PCM1: variants seen among roughly 807,000 people sequenced by gnomAD.
The protein encoded by PCM1 is pericentriolar material 1 protein.
A neutral mutation model predicts 241.9 loss-of-function variants in PCM1; 157 were observed. The observed-to-expected ratio is 0.65, with a 90% CI of 0.57 to 0.74. The LOEUF (loss-of-function observed/expected upper bound fraction) is 0.74. Ranked by LOEUF, PCM1 falls within the 30% of genes least tolerant of loss-of-function variation. The pLI, the probability that PCM1 is intolerant of heterozygous loss-of-function variation, is 0.00. For synonymous variants in PCM1, 1,085 were observed against 784.9 expected, an observed-to-expected ratio of 1.38 and a Z score of -6.39; for missense variants, 3,478 against 2,360.1, an observed-to-expected ratio of 1.47 and a Z score of -9.81.
intron 24 of PCM1, among the ~76,000 whole-genome samples, chr8:17,983,736 A>T (rs1224001737): frequency 6.6e-6 from 1 of 152,204 alleles, no homozygotes; most frequent in Non-Finnish European, 1.5e-5. Context: ...AATTACAAAG[A>T]TTCCCAAATA....
chr8:17,997,446 C>G (rs1242750047), intron 29 of PCM1, among the ~76,000 whole-genome samples: 5 of 152,096 alleles, frequency 3.3e-5, no homozygotes, highest in Non-Finnish European at 7.4e-5. Context: ...ACCTCTGTCT[C>G]TCTCTACCCC....
At chr8:17,961,910 CAG>C in intron 15 of PCM1, 122 bp from the exon 16 acceptor site, 1 of 674,124 alleles carries the variant, frequency 1.5e-6, no homozygotes. Context: ...TGATGGAAGT[CAG>C]GGTCTGATAG....
intron 36 of PCM1, among the ~76,000 whole-genome samples, chr8:18,023,108 C>T (rs1362612897): frequency 6.6e-6 from 1 of 152,050 alleles, no homozygotes; most frequent in Non-Finnish European, 1.5e-5. Context: ...AATAGGATCT[C>T]CTTTGCCCCT....
Position 17,933,442 on chromosome 8 carries a change from T to C in PCM1, c.-22-2147T>C, listed in dbSNP as rs2059589354. ...TTCTTCCAGATAAATTTTAGAATTA[T>C]TTTGTCAAGTTCTAAGGAGAATCCC... On this transcript the variant is annotated intron_variant, in intron 2 of 38. Coordinates refer to ENST00000325083, the MANE Select transcript of PCM1 (RefSeq NM_006197.4). 1.3e-5 allele frequency among the ~76,000 whole-genome samples: 2 copies of C among 152,230 alleles called. 1 individual carries two copies. Among genetic ancestry groups the C allele is most frequent in the South Asian group, 4.1e-4 (2 of 4,836 alleles).
chr8:17,991,987 AT>A (rs2084814318), intron 28 of PCM1, among the ~76,000 whole-genome samples: 1 of 152,334 alleles, frequency 6.6e-6, no homozygotes, highest in African/African-American at 2.4e-5. Context: ...CATCACTTAG[AT>A]TAACGGTCTC....
intron 23 of PCM1, among the ~76,000 whole-genome samples, chr8:17,976,434 G>T (rs1337130124): frequency 6.6e-6 from 1 of 152,178 alleles, no homozygotes; most frequent in Non-Finnish European, 1.5e-5. Context: ...TGTTTCATTA[G>T]AACCTGAGAG....
rs1330401641 is a variant in PCM1 at position 17,960,006 on chromosome 8, T to C, written c.2041-8T>C. The C allele has an allele frequency of 6.2e-7, 1 of 1,611,542 alleles. No individual in the cohort carries two copies. Among genetic ancestry groups the C allele is most frequent in the Non-Finnish European group, 8.5e-7 (1 of 1,178,776 alleles). The stretch of plus-strand genomic sequence containing the variant: ...CAAGATTGTTTTAATGTAATGATGC[T>C]CTTTCAGGATGATGATGCAGCTCAA... On this transcript the variant is annotated splice_region_variant and splice_polypyrimidine_tract_variant and intron_variant, in intron 13 of 38. Transcript: ENST00000325083.
At position 18,014,666 on chromosome 8, in the gene PCM1, G is replaced by A. The variant is rs751815749; in HGVS notation, c.5667G>A (p.Lys1889=). ...DEQPLNSAAH[K]ESPPTVDSTQ... The stretch of plus-strand genomic sequence containing the variant: ...AACCTTTAAATAGTGCTGCCCATAA[G>A]GAGTCACCTCCTACTGTTGATTCAA... Residue 1889 remains lysine (K), a synonymous_variant, in exon 36 of 39, where the codon AAG becomes AAA. Coordinates refer to ENST00000325083, the MANE Select transcript of PCM1 (RefSeq NM_006197.4). 3.7e-6 allele frequency: 6 copies of A among 1,613,644 alleles called. No individual in the cohort carries two copies. The African/African-American group carries it at 6.7e-5, about 18-fold the overall frequency.
At chr8:18,003,587 C>G (rs2090327256) in intron 29 of PCM1, among the ~76,000 whole-genome samples, 1 of 152,054 alleles carries the variant, frequency 6.6e-6, no homozygotes, top group Non-Finnish European at 1.5e-5. Context: ...TTCATTATAG[C>G]ACTTATGACA....
At chr8:17,947,670 G>A (rs2064347060) in intron 7 of PCM1, among the ~76,000 whole-genome samples, 1 of 152,232 alleles carries the variant, frequency 6.6e-6, no homozygotes, top group African/African-American at 2.4e-5. Context: ...GGCTCATGAT[G>A]CGTTTATTTC....
chr8:17,986,776 C>T (rs989213594), intron 26 of PCM1, among the ~76,000 whole-genome samples: 4 of 151,686 alleles, frequency 2.6e-5, no homozygotes, highest in African/African-American at 4.8e-5. Flanking sequence ...TTCATGTGGT[C>T]GTGGGATAGC....
At chr8:18,027,343 C>CA (rs890888052) in intron 38 of PCM1, among the ~76,000 whole-genome samples, 5 of 152,178 alleles carry the variant, frequency 3.3e-5, no homozygotes, top group Non-Finnish European at 7.3e-5. Flanking sequence ...TCTGTTTTCT[C>CA]ACAACCAGTC....
chr8:17,968,762 G>GTGTGTGTGTGTGTATATATA (rs373502456), intron 21 of PCM1, among the ~76,000 whole-genome samples: 5 of 136,734 alleles, frequency 3.7e-5, no homozygotes, highest in African/African-American at 1.4e-4. Context: ...GTGTGTGTGT[G>GTGTGTGTGTGTGTATATATA]TATATATATA....
intron 26 of PCM1, among the ~76,000 whole-genome samples, chr8:17,988,607 C>G (rs1165879077): frequency 6.6e-6 from 1 of 151,764 alleles, no homozygotes; most frequent in African/African-American, 2.4e-5. Context: ...GGAAAATAAT[C>G]CCAGTATATA....
rs559011991 is a variant in PCM1, at chr8:17,952,137, C to T, written c.1072-833C>T. 8.6e-3 allele frequency among the ~76,000 whole-genome samples: 1,309 copies of T among 151,976 alleles called. 21 individuals carry two copies. Among genetic ancestry groups the T allele is most frequent in the African/African-American group, 0.029 (1,214 of 41,418 alleles). On this transcript the variant is annotated intron_variant, in intron 8 of 38. Coordinates refer to ENST00000325083, the MANE Select transcript of PCM1 (RefSeq NM_006197.4). ...GCTTGAGAGGCTGAGGCAGGAGAAT[C>T]GCTTGAACCCAGGAGGCGGAGGTTT... is the stretch of plus-strand genomic sequence containing the variant.
chr8:17,963,905 T>C (rs2073716518), intron 17 of PCM1, among the ~76,000 whole-genome samples: 1 of 152,212 alleles, frequency 6.6e-6, no homozygotes, highest in African/African-American at 2.4e-5. Context: ...CAAGCCCTAC[T>C]CTCTTCTCAG....
At chr8:17,966,505 A>T in intron 20 of PCM1, 32 bp downstream of exon 20, 12 of 1,598,078 alleles carry the variant, frequency 7.5e-6, no homozygotes, top group Non-Finnish European at 9.4e-6. Context: ...TTGAGACTGT[A>T]TAAGAGCTAA....
chr8:17,973,672 A>T (rs949728095), intron 23 of PCM1, among the ~76,000 whole-genome samples: 6 of 151,754 alleles, frequency 4.0e-5, no homozygotes, highest in African/African-American at 1.5e-4. Context: ...AGCCAACATC[A>T]TGCCACTGTA....
intron 17 of PCM1, among the ~76,000 whole-genome samples, chr8:17,963,797 G>A (rs2073651113): frequency 6.6e-6 from 1 of 152,108 alleles, no homozygotes; most frequent in African/African-American, 2.4e-5. Context: ...TAGCTATATA[G>A]TAGTAACCAT....
Sources: allele counts gnomAD v4.1 joint callset (sites outside exome capture counted in the v4.1 genomes callset), GRCh38; gene constraint gnomAD v4.1.1; transcripts MANE v1.5; gene names NCBI Gene and HGNC (gene_info 2026-07-23, HGNC 2026-07-21).